Variants in MYOM3 observed in about 807,000 individuals in gnomAD.
The protein encoded by MYOM3 is myomesin 3.
In MYOM3, 155 loss-of-function variants were observed where a neutral mutation model predicts 191.7. The observed-to-expected ratio is 0.81, with a 90% CI of 0.71 to 0.92. The LOEUF (loss-of-function observed/expected upper bound fraction) is 0.92. Among genes scored for constraint, MYOM3 ranks in the 40% least tolerant of loss-of-function variants. MYOM3 has a pLI of 0.00. For synonymous variants in MYOM3, 757 were observed against 762.9 expected, an observed-to-expected ratio of 0.99 and a Z score of 0.13; for missense variants, 1,889 against 1,890.6, an observed-to-expected ratio of 1.00 and a Z score of 0.02.
At position 24,057,432 on chromosome 1, in the gene MYOM3, C is replaced by T. The variant is rs369560899; in HGVS notation, c.4246G>A (p.Glu1416Lys). ...GVFVKNKYGSETGQVTISVFK... is the reference protein window; with the variant it reads ...GVFVKNKYGSKTGQVTISVFK... ...ACACTGATGGTGACCTGGCCCGTCT[C>T]GGAGCCATACTTGTTCTTGACGAAG... The change falls in exon 37 of 37, where the codon GAG becomes AAG. Residue 1416 changes from glutamate (E) to lysine (K), a missense_variant. Glu to Lys is a moderately conservative substitution (Grantham distance 56). Coordinates refer to ENST00000374434, the MANE Select transcript of MYOM3 (RefSeq NM_152372.4). The T allele has an allele frequency of 3.7e-5, 59 of 1,614,070 alleles. No individual in the cohort carries two copies. The highest frequency in any genetic ancestry group is 4.7e-5 in the Non-Finnish European group (56 of 1,180,052).
chr1:24,109,253 G>GATCCCAGCTCCTT (rs1045642373), intron 1 of MYOM3, among the ~76,000 whole-genome samples: 2 of 152,196 alleles, frequency 1.3e-5, no homozygotes, highest in African/African-American at 2.4e-5. Flanking sequence ...CACAGGGTGT[G>GATCCCAGCTCCTT]ATCCCAGCTC....
At position 24,107,061 on chromosome 1, in the gene MYOM3, C is replaced by T. The variant is rs1643989498; in HGVS notation, c.402+12G>A. Reference sequence around the variant, plus strand: ...GTCCCAGGCCCTGGGGCTCCACGGCCCACCCCCTTACCCGCCGCCTCAGCG... The same window carrying T: ...GTCCCAGGCCCTGGGGCTCCACGGCTCACCCCCTTACCCGCCGCCTCAGCG... On this transcript the variant is annotated intron_variant, in intron 4 of 36. Coordinates refer to ENST00000374434, the MANE Select transcript of MYOM3 (RefSeq NM_152372.4). 1.2e-6 allele frequency: 2 copies of T among 1,600,998 alleles called. No homozygotes were observed. The highest frequency in any genetic ancestry group is 1.7e-5 in the Admixed American group (1 of 58,976).
chr1:24,101,135 C>T (rs1557616765), intron 5 of MYOM3, among the ~76,000 whole-genome samples: 1 of 152,034 alleles, frequency 6.6e-6, no homozygotes, highest in Non-Finnish European at 1.5e-5. Context: ...CACCCTTTGC[C>T]CCCTTTCACA....
chr1:24,072,778 G>T (rs376515327), intron 23 of MYOM3, among the ~76,000 whole-genome samples: 1 of 152,016 alleles, frequency 6.6e-6, no homozygotes, highest in South Asian at 2.1e-4. Context: ...CAGGTGATCC[G>T]CCCGCCTCAG....
In MYOM3 at chr1:24,086,784, C is replaced by T. The variant is rs756407541; in HGVS notation, c.1658G>A (p.Ser553Asn). Residue 553 changes from serine (S) to asparagine (N), a missense_variant, in exon 15 of 37, where the codon AGC (serine) becomes AAC (asparagine). Coordinates refer to ENST00000374434, the MANE Select transcript of MYOM3 (RefSeq NM_152372.4). Reference sequence around the variant, plus strand: ...GGCGAATCTCGGGGATCTCACAGGGCTTTCCGAGCTGATGGCCTCCCAGGT... The same window carrying T: ...GGCGAATCTCGGGGATCTCACAGGGTTTTCCGAGCTGATGGCCTCCCAGGT... Reference protein sequence around the residue: ...SGTWEAISSESPVRSPRFAVL... With the variant: ...SGTWEAISSENPVRSPRFAVL... 3 of 1,614,214 alleles carry T rather than the reference C, an allele frequency of 1.9e-6. No individual in the cohort carries two copies. The highest frequency in any genetic ancestry group is 2.5e-6 in the Non-Finnish European group (3 of 1,180,028).
At position 24,084,055 on chromosome 1, in the gene MYOM3, G is replaced by C. The variant is rs564932740; in HGVS notation, c.1970+413C>G. The C allele has an allele frequency of 1.1e-4, 21 of 187,638 alleles. 1 individual carries two copies. The South Asian group carries it at 2.3e-3, about 20-fold the overall frequency. The allele number at this position is 187,638 out of a possible 1,614,324, so 11.6% of individuals were successfully genotyped here. On this transcript the variant is annotated intron_variant, in intron 16 of 36. Coordinates refer to ENST00000374434, the MANE Select transcript of MYOM3 (RefSeq NM_152372.4). ...TTCAAGGATGCCTGGTGCAGGAAGA[G>C]GGGTGATCTGGTTTGGCTCTGTACT...
At chr1:24,064,208 A>G in intron 29 of MYOM3, 49 bp from the exon 30 acceptor site, 1 of 1,475,478 alleles carries the variant, frequency 6.8e-7, no homozygotes, top group African/African-American at 1.4e-5. Flanking sequence ...CTCCAGAAGG[A>G]GAGATGGATA....
At chr1:24,067,936 C>T (rs781248893) in intron 27 of MYOM3, 34 bp downstream of exon 27, 2 of 1,607,766 alleles carry the variant, frequency 1.2e-6, no homozygotes, top group Non-Finnish European at 1.7e-6. Context: ...AACCAGTGGC[C>T]AGGGATTTTG....
At chr1:24,108,150 C>G in intron 2 of MYOM3, 77 bp from the exon 3 acceptor site, 1 of 1,377,408 alleles carries the variant, frequency 7.3e-7, no homozygotes, top group African/African-American at 1.4e-5. Flanking sequence ...CTGCATCTGC[C>G]CACCTCAGCC....
At chr1:24,067,307 T>TC (rs1249714693) in intron 27 of MYOM3, among the ~76,000 whole-genome samples, 1,432 of 121,446 alleles carry the variant, frequency 0.012, 274 homozygotes, top group African/African-American at 0.048. Context: ...TTTCTTTCCT[T>TC]CTTTCTTTCT....
chr1:24,084,307 A>G (rs1643709498), intron 16 of MYOM3, 161 bp downstream of exon 16: 2 of 724,738 alleles, frequency 2.8e-6, no homozygotes, highest in South Asian at 3.7e-5. Flanking sequence ...GCCTTCCGCC[A>G]TAATCATAAG....
chr1:24,084,947 C>G (rs1047410907), intron 15 of MYOM3, among the ~76,000 whole-genome samples: 1 of 152,272 alleles, frequency 6.6e-6, no homozygotes, highest in Non-Finnish European at 1.5e-5. Context: ...TAGGTTTCCT[C>G]AGTCCTTATC....
At chr1:24,077,557 C>T (rs922810981) in intron 20 of MYOM3, among the ~76,000 whole-genome samples, 10 of 152,216 alleles carry the variant, frequency 6.6e-5, no homozygotes, top group African/African-American at 2.4e-4. Flanking sequence ...TCGGCAGATG[C>T]ATGGATTCCA....
chr1:24,063,884 C>G lies in MYOM3; in HGVS notation c.3622+188G>C, dbSNP rs1643402547. 6.6e-6 allele frequency among the ~76,000 whole-genome samples: 1 copy of G among 152,128 alleles called. No individual in the cohort carries two copies. Among genetic ancestry groups the G allele is most frequent in the Admixed American group, 6.5e-5 (1 of 15,278 alleles). On this transcript the variant is annotated intron_variant, in intron 30 of 36. Coordinates refer to ENST00000374434, the MANE Select transcript of MYOM3 (RefSeq NM_152372.4). This position sits in a 1 kb window ranked among gnomAD's most constrained non-coding sequence, Gnocchi z 4.5. ...TGTGGTATACTGTGGTGAACGAGGG[C>G]ATCGGAGTCACACCGACCTGGCTCC... is the stretch of plus-strand genomic sequence containing the variant.
intron 16 of MYOM3, 79 bp from the exon 17 acceptor site, chr1:24,082,793 G>A: frequency 2.0e-6 from 3 of 1,468,336 alleles, no homozygotes; most frequent in Non-Finnish European, 2.7e-6. Flanking sequence ...CAACTTTGTG[G>A]AATAAGTGGT....
At chr1:24,060,223 C>A (rs186122913) in intron 35 of MYOM3, among the ~76,000 whole-genome samples, 16 of 152,224 alleles carry the variant, frequency 1.1e-4, no homozygotes, top group African/African-American at 3.9e-4. Flanking sequence ...GGGCTGTGCT[C>A]CCTCCACCGA....
At chr1:24,106,270 C>T (rs1379172516) in intron 4 of MYOM3, among the ~76,000 whole-genome samples, 193 bp from the exon 5 acceptor site, 1 of 152,202 alleles carries the variant, frequency 6.6e-6, no homozygotes, top group African/African-American at 2.4e-5. Context: ...GGCCTGGGGT[C>T]AAGGTATTGA....
In MYOM3 at chr1:24,107,078, G is replaced by A. The variant is rs753277372; in HGVS notation, c.397C>T (p.Arg133Trp). ...TCCACGGCCCACCCCCTTACCCGCCGCCTCAGCGTCTTCCAGTCCCGCCTC... is the reference window on the plus strand; with the variant it reads ...TCCACGGCCCACCCCCTTACCCGCCACCTCAGCGTCTTCCAGTCCCGCCTC... Reference protein sequence around the residue: ...RQRRDWKTLRRRTEEKVQEAK... With the variant: ...RQRRDWKTLRWRTEEKVQEAK... The change falls in exon 4 of 37, where the codon CGG becomes TGG. Residue 133 changes from arginine (R) to tryptophan (W), a missense_variant. Transcript: ENST00000374434. 9.3e-6 allele frequency: 15 copies of A among 1,606,658 alleles called. No individual in the cohort carries two copies. The highest frequency in any genetic ancestry group is 2.7e-5 in the African/African-American group (2 of 74,782).
Position 24,076,143 on chromosome 1 carries a change from C to T in MYOM3, c.2701+16G>A, listed in dbSNP as rs1338902932. 12 of 1,602,476 alleles carry T rather than the reference C, an allele frequency of 7.5e-6. No individual in the cohort carries two copies. In the South Asian group the frequency reaches 1.1e-4, roughly 15 times the overall value. ...TAGCCCAGTGGCAGAGCTCTGGCCT[C>T]TCCGGCCACCCCTACCTGGCTTGTC... is the stretch of plus-strand genomic sequence containing the variant. On this transcript the variant is annotated intron_variant, in intron 21 of 36. Coordinates refer to ENST00000374434, the MANE Select transcript of MYOM3 (RefSeq NM_152372.4).
Sources: gnomAD v4.1 joint callset for allele counts (sites outside exome capture counted in the v4.1 genomes callset) on GRCh38, gnomAD v4.1.1 for gene constraint, Gnocchi (gnomAD v3.1) non-coding constraint, MANE v1.5 for transcripts, NCBI Gene and HGNC (gene_info 2026-07-23, HGNC 2026-07-21) for gene names.